DLG2: variants seen among roughly 807,000 people sequenced by gnomAD.
The protein encoded by DLG2 is discs large MAGUK scaffold protein 2.
Under a neutral mutation model 132.5 loss-of-function variants are expected in DLG2, and 45 were observed. The ratio of observed to expected loss-of-function variants is 0.34; its 90% CI spans 0.27 to 0.44. The LOEUF is 0.44. Ranked by LOEUF, DLG2 falls within the 20% of genes least tolerant of loss-of-function variation. The probability of loss-of-function intolerance (pLI) is 1.00; values close to 1 mark genes in which losing one functional copy is unlikely to be tolerated. For synonymous variants in DLG2, 424 were observed against 419.6 expected, an observed-to-expected ratio of 1.01 and a Z score of -0.13; for missense variants, 1,045 against 1,196.9, an observed-to-expected ratio of 0.87 and a Z score of 1.87.
chr11:83,884,397 C>T (rs12288054), intron 15 of DLG2, among the ~76,000 whole-genome samples: 14,733 of 152,192 alleles, frequency 0.097, 849 homozygotes, highest in Middle Eastern at 0.2. Context: ...GGGGGAGGGG[C>T]GCCCGCCATT....
At chr11:85,075,865 G>A (rs537173406) in intron 6 of DLG2, among the ~76,000 whole-genome samples, 6 of 151,924 alleles carry the variant, frequency 3.9e-5, no homozygotes, top group Middle Eastern at 3.4e-3. Context: ...TTTAATCAAG[G>A]GCAACTTGTC....
chr11:84,167,169 C>A (rs1489457610), intron 8 of DLG2, among the ~76,000 whole-genome samples: 1 of 152,146 alleles, frequency 6.6e-6, no homozygotes, highest in Non-Finnish European at 1.5e-5. Flanking sequence ...GTTTAAGATA[C>A]TTGATTTTTC....
At chr11:83,804,667 C>A (rs1396320442) in intron 17 of DLG2, among the ~76,000 whole-genome samples, 2 of 151,552 alleles carry the variant, frequency 1.3e-5, no homozygotes. Context: ...CACTTTCAAT[C>A]TAACATATCA....
At chr11:84,315,762 A>C (rs1031236330) in intron 7 of DLG2, among the ~76,000 whole-genome samples, 3 of 152,174 alleles carry the variant, frequency 2.0e-5, no homozygotes, top group African/African-American at 4.8e-5. Context: ...ATGGCTATGC[A>C]TATGTAACTA....
Position 84,055,900 on chromosome 11 carries a change from C to T in DLG2, c.919+3415G>A, listed in dbSNP as rs147871919. On this transcript the variant is annotated intron_variant, in intron 11 of 27. Transcript: ENST00000376104. ...TGTGCCAGGTACATACTAAACAATA[C>T]GTATTTGTTGAATCATTGAAGGACT... 2.4e-4 allele frequency among the ~76,000 whole-genome samples: 36 copies of T among 152,102 alleles called. No individual in the cohort carries two copies. The East Asian group carries it at 3.5e-3, about 15-fold the overall frequency.
chr11:84,319,924 T>C (rs2098394355), intron 7 of DLG2, among the ~76,000 whole-genome samples: 1 of 152,172 alleles, frequency 6.6e-6, no homozygotes, highest in Non-Finnish European at 1.5e-5. Flanking sequence ...CAAACAAGAC[T>C]TTTCTTTTCA....
At chr11:85,046,335 G>C (rs904226592) in intron 6 of DLG2, among the ~76,000 whole-genome samples, 2 of 151,904 alleles carry the variant, frequency 1.3e-5, no homozygotes, top group African/African-American at 4.8e-5. Context: ...TTTGTATTCT[G>C]ATACAGGAAG....
chr11:83,663,000 T>G (rs148932349), intron 18 of DLG2, among the ~76,000 whole-genome samples: 214 of 152,322 alleles, frequency 1.4e-3, no homozygotes, highest in African/African-American at 5.1e-3. Flanking sequence ...CTGATTTGGT[T>G]GTAGCTGCCT....
At chr11:83,650,135 T>G (rs549814357) in intron 18 of DLG2, among the ~76,000 whole-genome samples, 1 of 152,206 alleles carries the variant, frequency 6.6e-6, no homozygotes, top group Non-Finnish European at 1.5e-5. Flanking sequence ...GTAATGCCCG[T>G]GTGCAGTAGG....
rs184414753 is a variant in DLG2, at chr11:83,882,022, T to A, written c.1497-7534A>T. 2.6e-5 allele frequency among the ~76,000 whole-genome samples: 4 copies of A among 152,312 alleles called. No individual in the cohort carries two copies. The East Asian group carries it at 7.7e-4, about 29-fold the overall frequency. ...AATTTTTCACTTAGTTCACTTTTAA[T>A]TCTTACCTACATTTAAAGAAATCCA... On this transcript the variant is annotated intron_variant, in intron 15 of 27. Transcript: ENST00000376104.
chr11:84,793,611 T>C (rs796760821), intron 6 of DLG2, among the ~76,000 whole-genome samples: 9 of 152,334 alleles, frequency 5.9e-5, no homozygotes, highest in African/African-American at 2.2e-4. Context: ...TATTCACAAT[T>C]GTCATATCCT....
chr11:84,382,383 T>C (rs1483802005), intron 7 of DLG2, among the ~76,000 whole-genome samples: 3 of 152,134 alleles, frequency 2.0e-5, no homozygotes, highest in Non-Finnish European at 4.4e-5. Flanking sequence ...TCCCCAGTCT[T>C]ATTCCAGCAT....
At chr11:83,560,757 G>C (rs1050862243) in intron 19 of DLG2, among the ~76,000 whole-genome samples, 1 of 152,158 alleles carries the variant, frequency 6.6e-6, no homozygotes, top group African/African-American at 2.4e-5. Flanking sequence ...GGAAGGTAAA[G>C]TCAAGAGGGG....
chr11:85,027,817 C>T (rs2060663655), intron 6 of DLG2, among the ~76,000 whole-genome samples: 1 of 152,216 alleles, frequency 6.6e-6, no homozygotes, highest in Non-Finnish European at 1.5e-5. Context: ...ACAGCCCTGG[C>T]TTGGGGAGCC....
chr11:83,816,705 T>A (rs778452609), intron 17 of DLG2, among the ~76,000 whole-genome samples: 1 of 152,188 alleles, frequency 6.6e-6, no homozygotes, highest in Non-Finnish European at 1.5e-5. Context: ...TAAGATTATA[T>A]GCCCAGATTT....
At chr11:85,335,176 G>T (rs936519991) in intron 3 of DLG2, among the ~76,000 whole-genome samples, 1 of 151,022 alleles carries the variant, frequency 6.6e-6, no homozygotes, top group Non-Finnish European at 1.5e-5. Context: ...TGTGCCCTTT[G>T]TCCTCTTTGA....
rs116334649 is a variant in DLG2, at chr11:85,614,669, A to G, written c.-93+11918T>C. ...ATAAATAAAACAAACGTACAGTTCAAGGTGATACCACAAAGGTGTCATTTT... is the reference window on the plus strand; with the variant it reads ...ATAAATAAAACAAACGTACAGTTCAGGGTGATACCACAAAGGTGTCATTTT... On this transcript the variant is annotated intron_variant, in intron 2 of 27. Transcript: ENST00000376104. Among the ~76,000 whole-genome samples the G allele has an allele frequency of 4.0e-3, 610 of 152,348 alleles. 5 individuals are homozygous for G. The highest frequency in any genetic ancestry group is 0.014 in the African/African-American group (581 of 41,594).
At chr11:85,037,584 C>T (rs976797517) in intron 6 of DLG2, among the ~76,000 whole-genome samples, 6 of 152,044 alleles carry the variant, frequency 3.9e-5, no homozygotes, top group African/African-American at 1.4e-4. Flanking sequence ...TATCTGAACA[C>T]TGCATCTAGA....
chr11:85,008,485 G>A (rs996796168), intron 6 of DLG2, among the ~76,000 whole-genome samples: 5 of 151,796 alleles, frequency 3.3e-5, no homozygotes, highest in African/African-American at 4.8e-5. Flanking sequence ...AAGTGAAGGG[G>A]GAAAAAGAAT....
Sources: allele counts gnomAD v4.1 joint callset (sites outside exome capture counted in the v4.1 genomes callset), GRCh38; gene constraint gnomAD v4.1.1; transcripts MANE v1.5; gene names NCBI Gene and HGNC (gene_info 2026-07-23, HGNC 2026-07-21).